SNTG1: variants seen among roughly 807,000 people sequenced by gnomAD.
SNTG1 encodes syntrophin gamma 1, also known as gamma-1-syntrophin.
Under a neutral mutation model 74.7 loss-of-function variants are expected in SNTG1, and 39 were observed. That is an observed-to-expected ratio of 0.52 (90% CI 0.40 to 0.68). The LOEUF is 0.68. Ranked by LOEUF, SNTG1 falls within the 30% of genes least tolerant of loss-of-function variation. The probability of loss-of-function intolerance (pLI) is 0.00; values close to 1 mark genes in which losing one functional copy is unlikely to be tolerated. For synonymous variants in SNTG1, 254 were observed against 217.1 expected (o/e 1.17, Z -1.49); for missense variants, 685 against 609.5 (o/e 1.12, Z -1.30).
At chr8:50,665,534 C>T (rs1022020060) in intron 15 of SNTG1, among the ~76,000 whole-genome samples, 6 of 151,908 alleles carry the variant, frequency 3.9e-5, no homozygotes, top group South Asian at 2.1e-4. Context: ...CTCCATTTCT[C>T]AATATTATTC....
At chr8:50,750,485 C>T (rs757792620) in intron 17 of SNTG1, among the ~76,000 whole-genome samples, 6 of 151,936 alleles carry the variant, frequency 3.9e-5, no homozygotes, top group South Asian at 4.1e-4. Context: ...AAATGCTATT[C>T]GGCTATATTG....
chr8:50,665,284 G>C (rs535335739), intron 15 of SNTG1, among the ~76,000 whole-genome samples: 1 of 152,010 alleles, frequency 6.6e-6, no homozygotes, highest in Admixed American at 6.6e-5. Context: ...TGAAATAGGA[G>C]CCTTATTTCT....
intron 1 of SNTG1, among the ~76,000 whole-genome samples, chr8:49,959,616 G>A (rs765255491): frequency 2.0e-5 from 3 of 152,202 alleles, no homozygotes; most frequent in South Asian, 4.1e-4. Flanking sequence ...TGTGTAGCAC[G>A]TGTCAATACT....
intron 2 of SNTG1, among the ~76,000 whole-genome samples, chr8:50,270,962 A>G (rs2087747516): frequency 6.6e-6 from 1 of 152,158 alleles, no homozygotes; most frequent in African/African-American, 2.4e-5. Context: ...TACTCTAAAT[A>G]TGTGCTTGCT....
At chr8:49,937,584 G>A (rs1284831337) in intron 1 of SNTG1, among the ~76,000 whole-genome samples, 1 of 152,106 alleles carries the variant, frequency 6.6e-6, no homozygotes, top group Non-Finnish European at 1.5e-5. Context: ...TCTAACTATG[G>A]TTTTTCAGGA....
intron 2 of SNTG1, among the ~76,000 whole-genome samples, chr8:50,393,386 T>C (rs989996095): frequency 1.3e-5 from 2 of 152,208 alleles, no homozygotes; most frequent in African/African-American, 4.8e-5. Context: ...ATGAGTAATT[T>C]TGAGGAGTAC....
At chr8:50,439,827 G>A (rs1274351992) in intron 5 of SNTG1, among the ~76,000 whole-genome samples, 1 of 147,118 alleles carries the variant, frequency 6.8e-6, no homozygotes, top group East Asian at 2.1e-4. Flanking sequence ...AGTGAGAGCT[G>A]ATTTCATCTG....
chr8:50,094,619 C>A (rs2079860042), intron 1 of SNTG1, among the ~76,000 whole-genome samples: 1 of 151,990 alleles, frequency 6.6e-6, no homozygotes, highest in African/African-American at 2.4e-5. Context: ...AAATGCAAAT[C>A]AAATCAACAG....
chr8:50,248,037 T>A (rs972427857), intron 2 of SNTG1, among the ~76,000 whole-genome samples: 2 of 152,132 alleles, frequency 1.3e-5, no homozygotes, highest in African/African-American at 2.4e-5. Flanking sequence ...CACATCTTCT[T>A]CCCTCCATTT....
chr8:50,414,672 T>A (rs771907024), intron 4 of SNTG1, among the ~76,000 whole-genome samples: 1 of 152,108 alleles, frequency 6.6e-6, no homozygotes, highest in Non-Finnish European at 1.5e-5. Flanking sequence ...TATTGTGTGT[T>A]GTCTTGGAAA....
intron 2 of SNTG1, among the ~76,000 whole-genome samples, chr8:50,247,091 G>T (rs756835291): frequency 6.6e-6 from 1 of 152,130 alleles, no homozygotes; most frequent in Non-Finnish European, 1.5e-5. Context: ...AACCTATTAA[G>T]GTGTTGGCTA....
At chr8:49,910,761 AC>A (rs1805537634), upstream of SNTG1, 1 of 152,282 alleles carries the variant, frequency 6.6e-6, no homozygotes, top group African/African-American at 2.4e-5. Flanking sequence ...TGAAAAGCCA[AC>A]AAAAAAAACA....
intron 8 of SNTG1, among the ~76,000 whole-genome samples, chr8:50,477,645 G>A (rs988589904): frequency 6.6e-6 from 1 of 152,130 alleles, no homozygotes; most frequent in African/African-American, 2.4e-5. Flanking sequence ...ATGGACTTTG[G>A]TTAGTAAGAA....
chr8:50,589,650 C>T (rs1207207560), intron 12 of SNTG1, among the ~76,000 whole-genome samples: 2 of 150,394 alleles, frequency 1.3e-5, no homozygotes, highest in Non-Finnish European at 2.9e-5. Context: ...AAGACAAGGG[C>T]CCACATAAAA....
At chr8:50,278,397 C>A (rs1040940957) in intron 2 of SNTG1, among the ~76,000 whole-genome samples, 2 of 151,996 alleles carry the variant, frequency 1.3e-5, no homozygotes, top group African/African-American at 4.8e-5. Flanking sequence ...TGGCTTTGGC[C>A]TTGTTCTTTC....
intron 12 of SNTG1, among the ~76,000 whole-genome samples, chr8:50,565,008 TTAA>T (rs1181643185): frequency 6.6e-6 from 1 of 152,030 alleles, no homozygotes; most frequent in Non-Finnish European, 1.5e-5. Context: ...TGATGTCAAA[TTAA>T]TAATATGTAC....
chr8:50,383,162 G>A (rs945718346), intron 2 of SNTG1, among the ~76,000 whole-genome samples: 4 of 152,116 alleles, frequency 2.6e-5, no homozygotes, highest in African/African-American at 7.2e-5. Flanking sequence ...CTTTGTCAAC[G>A]TAACATTCAT....
chr8:50,302,673 A>T (rs1404631210), intron 2 of SNTG1, among the ~76,000 whole-genome samples: 2 of 152,140 alleles, frequency 1.3e-5, no homozygotes, highest in African/African-American at 4.8e-5. Context: ...CTGAGAAGCG[A>T]TTAAGTTTTG....
intron 2 of SNTG1, among the ~76,000 whole-genome samples, chr8:50,187,303 T>C (rs1452463929): frequency 1.3e-5 from 2 of 152,088 alleles, no homozygotes; most frequent in East Asian, 3.9e-4. Context: ...AGCAAGGTAC[T>C]GGTACCAAAA....
Sources: allele counts gnomAD v4.1 joint callset (sites outside exome capture counted in the v4.1 genomes callset), GRCh38; gene constraint gnomAD v4.1.1; transcripts MANE v1.5; gene names NCBI Gene and HGNC (gene_info 2026-07-23, HGNC 2026-07-21).